Variants in DOCK6 observed in about 807,000 individuals in gnomAD.
DOCK6 encodes dedicator of cytokinesis 6, also known as dedicator of cytokinesis protein 6.
Under a neutral mutation model 230.3 loss-of-function variants are expected in DOCK6, and 167 were observed. That is an observed-to-expected ratio of 0.73 (90% confidence interval 0.64 to 0.82). DOCK6 has a LOEUF of 0.82. Among genes scored for constraint, DOCK6 ranks in the 40% least tolerant of loss-of-function variants. The pLI is 0.00. For synonymous variants in DOCK6, 1,148 were observed against 1,185.0 expected (o/e 0.97, Z 0.64); for missense variants, 2,598 against 2,825.8 (o/e 0.92, Z 1.83).
Position 11,200,958 on chromosome 19 carries a change from T to C in DOCK6, c.5783A>G (p.Lys1928Arg). Residue 1928 changes from lysine (K) to arginine (R), a missense_variant, in exon 45 of 48, where the codon AAG becomes AGG. Physicochemically the swap from Lys to Arg is conservative, Grantham distance 26. Coordinates refer to ENST00000294618, the MANE Select transcript of DOCK6 (RefSeq NM_020812.4). The surrounding 1 kb of genome is among the most constrained non-coding windows in gnomAD (Gnocchi z 4.3). ...FATEQDPPDA[K>R]MLQMVLQGSV... is the part of the protein sequence containing the mutation. Reference sequence around the variant, plus strand: ...GCCCTGAAGCACCATCTGTAGCATCTTAGCATCTGGTGGGTCCTGCTCGGT... The same window carrying C: ...GCCCTGAAGCACCATCTGTAGCATCCTAGCATCTGGTGGGTCCTGCTCGGT... 6.2e-7 allele frequency: 1 copy of C among 1,613,936 alleles called. No individual in the cohort carries two copies. The highest frequency in any genetic ancestry group is 1.3e-5 in the African/African-American group (1 of 75,040).
intron 9 of DOCK6, among the ~76,000 whole-genome samples, chr19:11,245,227 A>G (rs973757395): frequency 6.6e-6 from 1 of 152,182 alleles, no homozygotes; most frequent in Non-Finnish European, 1.5e-5. Context: ...AGAAAATCTC[A>G]AATGAGGGTG....
intron 28 of DOCK6, among the ~76,000 whole-genome samples, chr19:11,218,426 C>T (rs1307130426): frequency 2.0e-5 from 3 of 152,158 alleles, no homozygotes; most frequent in African/African-American, 7.2e-5. Flanking sequence ...GGATTACAGG[C>T]GTGAGCCACT....
intron 1 of DOCK6, chr19:11,254,133 C>T (rs1379347756): frequency 1.2e-5 from 2 of 165,760 alleles, no homozygotes; most frequent in Non-Finnish European, 2.6e-5. Context: ...CCTTCCCATC[C>T]TTGCTTTGGG....
At chr19:11,257,044 T>C (rs1313576243) in intron 1 of DOCK6, among the ~76,000 whole-genome samples, 1 of 151,670 alleles carries the variant, frequency 6.6e-6, no homozygotes, top group Non-Finnish European at 1.5e-5. Context: ...TGGAATGCAG[T>C]GGTGCAATCA....
chr19:11,254,762 G>C (rs762249731), intron 1 of DOCK6, among the ~76,000 whole-genome samples: 3 of 152,124 alleles, frequency 2.0e-5, no homozygotes, highest in African/African-American at 4.8e-5. Flanking sequence ...ATGTGGAGCA[G>C]AGCCAGTGGG....
intron 4 of DOCK6, 41 bp from the exon 5 acceptor site, chr19:11,252,289 G>T: frequency 6.4e-7 from 1 of 1,568,200 alleles, no homozygotes; most frequent in South Asian, 1.2e-5. Flanking sequence ...AGGGCTGAGG[G>T]CCCCCAGGGG....
At position 11,201,908 on chromosome 19, in the gene DOCK6, C is replaced by G; in HGVS notation, c.5669G>C (p.Arg1890Pro). 6.3e-7 allele frequency: 1 copy of G among 1,578,554 alleles called. No homozygotes were observed. Among genetic ancestry groups the G allele is most frequent in the Non-Finnish European group, 8.6e-7 (1 of 1,162,520 alleles). The change falls in exon 44 of 48, where the codon CGT becomes CCT. Residue 1890 changes from arginine (R) to proline (P), a missense_variant. Transcript: ENST00000294618. This position sits in a 1 kb window ranked among gnomAD's most constrained non-coding sequence, Gnocchi z 4.3. ...HAFPYIKTRI[R>P]VCHREETVLT... is the part of the protein sequence containing the mutation. ...ACCCACCTCCTCCCGGTGGCACACA[C>G]GGATGCGAGTCTTGATGTAGGGGAA... is the stretch of plus-strand genomic sequence containing the variant.
chr19:11,254,729 G>A (rs550505750), intron 1 of DOCK6, among the ~76,000 whole-genome samples: 1 of 152,068 alleles, frequency 6.6e-6, no homozygotes, highest in Admixed American at 6.6e-5. Context: ...GGCAAGACTC[G>A]CAGTAGAGGG....
intron 37 of DOCK6, 78 bp downstream of exon 37, chr19:11,211,698 A>G: frequency 8.6e-7 from 1 of 1,164,478 alleles, no homozygotes; most frequent in Admixed American, 2.0e-5. Flanking sequence ...ACCTCCTTAG[A>G]CATCTACTCT....
chr19:11,209,506 CCTCACCTGTCCACCCT>C (rs2079326286), intron 37 of DOCK6, among the ~76,000 whole-genome samples: 4 of 150,212 alleles, frequency 2.7e-5, no homozygotes, highest in African/African-American at 7.4e-5. Context: ...TTGTCTATCC[CCTCACCTGTCCACCCT>C]CTCACCTGTC....
At chr19:11,213,134 A>C in intron 35 of DOCK6, 42 bp downstream of exon 35, 1 of 1,592,018 alleles carries the variant, frequency 6.3e-7, no homozygotes, top group Non-Finnish European at 8.6e-7. Flanking sequence ...GGCCACCCTG[A>C]CCAGAGCCAT....
chr19:11,227,853 G>C (rs949653145), intron 23 of DOCK6, among the ~76,000 whole-genome samples: 17 of 151,720 alleles, frequency 1.1e-4, no homozygotes, highest in Admixed American at 4.6e-4. Context: ...GGGCAAGTCA[G>C]AGGTGGGACA....
At position 11,227,405 on chromosome 19, in the gene DOCK6, G is replaced by A. The variant is rs775792163; in HGVS notation, c.2887C>T (p.Arg963Cys). The A allele has an allele frequency of 2.0e-5, 32 of 1,613,592 alleles. No individual in the cohort carries two copies. In the East Asian group the frequency reaches 4.9e-4, roughly 25 times the overall value. ...AAGGCAGTGATGTCGTCCAGGAAGC[G>A]TCCGGGGAAGCGCAGCTTGCGGGGT... The part of the protein sequence containing the change: ...DTPRKLRFPG[R>C]FLDDITALVG... Residue 963 changes from arginine (R) to cysteine (C), a missense_variant, in exon 24 of 48, where the codon CGC (arginine) becomes TGC (cysteine). Physicochemically the swap from Arg to Cys is radical, Grantham distance 180 (BLOSUM62 -3). Coordinates refer to ENST00000294618, the MANE Select transcript of DOCK6 (RefSeq NM_020812.4).
At chr19:11,214,119 C>G in intron 34 of DOCK6, among the ~76,000 whole-genome samples, 156 bp downstream of exon 34, 1 of 152,010 alleles carries the variant, frequency 6.6e-6, no homozygotes, top group Non-Finnish European at 1.5e-5. Context: ...AGACAGGGGC[C>G]TCACTATGTT....
At chr19:11,240,579 ATTCT>A (rs2079927878) in intron 14 of DOCK6, among the ~76,000 whole-genome samples, 1 of 148,104 alleles carries the variant, frequency 6.8e-6, no homozygotes. Context: ...TGCTCAATAA[ATTCT>A]TTTTTTTTTT....
chr19:11,238,869 C>G (rs1318047731), intron 14 of DOCK6: 1 of 156,710 alleles, frequency 6.4e-6, no homozygotes, highest in Non-Finnish European at 1.4e-5. Flanking sequence ...TCCAGCTGAG[C>G]CTTTGTAATG....
intron 28 of DOCK6, among the ~76,000 whole-genome samples, chr19:11,220,822 A>AT (rs372764985): frequency 0.028 from 3,903 of 139,790 alleles, 115 homozygotes; most frequent in African/African-American, 0.055. Context: ...TAATATCTGA[A>AT]TTTTTTTTTT....
intron 9 of DOCK6, among the ~76,000 whole-genome samples, chr19:11,244,529 C>T (rs966502481): frequency 6.6e-5 from 9 of 135,550 alleles, no homozygotes; most frequent in East Asian, 2.4e-4. Context: ...GGCACAATCT[C>T]GGCTCACTGC....
At position 11,232,072 on chromosome 19, in the gene DOCK6, T is replaced by C. The variant is rs549525855; in HGVS notation, c.2718+1131A>G. The C allele has an allele frequency of 6.5e-5, 43 of 662,228 alleles. 1 individual carries two copies. The South Asian group carries it at 7.6e-4, about 12-fold the overall frequency. 41.0% of individuals were successfully genotyped at this position (662,228 alleles called of 1,614,324 possible). On this transcript the variant is annotated intron_variant, in intron 22 of 47. Transcript: ENST00000294618. ...GCCCCAAACAAAGGCAGGAGAGGGG[T>C]CTGCCACCTCCTTCAGGCAGCCCCC... is the stretch of plus-strand genomic sequence containing the variant.
Sources: gnomAD v4.1 joint callset for allele counts (sites outside exome capture counted in the v4.1 genomes callset) on GRCh38, gnomAD v4.1.1 for gene constraint, Gnocchi (gnomAD v3.1) non-coding constraint, MANE v1.5 for transcripts, NCBI Gene and HGNC (gene_info 2026-07-23, HGNC 2026-07-21) for gene names.